The following DIXDC1 variants were observed in gnomAD, a reference collection of about 807,000 sequenced individuals.
DIXDC1 encodes dixin.
A neutral mutation model predicts 103.1 loss-of-function variants in DIXDC1; 64 were observed. The ratio of observed to expected loss-of-function variants is 0.62; its 90% CI spans 0.51 to 0.76. The LOEUF (loss-of-function observed/expected upper bound fraction) is 0.76. DIXDC1 is among the 30% of genes least tolerant of loss of function. DIXDC1 has a pLI of 0.00. For synonymous variants in DIXDC1, 266 were observed against 298.5 expected, an observed-to-expected ratio of 0.89 and a Z score of 1.12; for missense variants, 759 against 834.2, an observed-to-expected ratio of 0.91 and a Z score of 1.11.
chr11:111,931,236 G>C (rs1966005040), intron 2 of DIXDC1, among the ~76,000 whole-genome samples: 1 of 152,270 alleles, frequency 6.6e-6, no homozygotes, highest in African/African-American at 2.4e-5. Context: ...TCAGGAGGCT[G>C]AATGAGGTGG....
At chr11:111,985,445 C>T in intron 8 of DIXDC1, 124 bp downstream of exon 8, 1 of 755,232 alleles carries the variant, frequency 1.3e-6, no homozygotes, top group Non-Finnish European at 2.1e-6. Context: ...GGTTTTCCTC[C>T]TACATTTTTG....
At chr11:111,983,825 T>A (rs587674384) in intron 7 of DIXDC1, among the ~76,000 whole-genome samples, 1 of 152,318 alleles carries the variant, frequency 6.6e-6, no homozygotes, top group South Asian at 2.1e-4. Flanking sequence ...CAATGAGAAT[T>A]TGGTTCCATT....
chr11:111,962,310 C>T (rs1555171148), intron 1 of DIXDC1, among the ~76,000 whole-genome samples: 1 of 152,008 alleles, frequency 6.6e-6, no homozygotes, highest in African/African-American at 2.4e-5. Context: ...GGTGAAACCC[C>T]ATCTCTATTA....
At chr11:111,988,296 C>A (rs1278355513) in intron 9 of DIXDC1, among the ~76,000 whole-genome samples, 1 of 152,178 alleles carries the variant, frequency 6.6e-6, no homozygotes, top group Non-Finnish European at 1.5e-5. Context: ...CTGTGCCCAG[C>A]CTAATAGAGC....
At chr11:111,936,954 T>C (rs1315881639), upstream of DIXDC1, among the ~76,000 whole-genome samples, 4 of 149,912 alleles carry the variant, frequency 2.7e-5, no homozygotes, top group Admixed American at 2.6e-4. Flanking sequence ...TGCAAGCGCA[T>C]GCATACGCCA....
chr11:111,973,381 A>G (rs1207923423), intron 3 of DIXDC1, among the ~76,000 whole-genome samples: 1 of 152,246 alleles, frequency 6.6e-6, no homozygotes, highest in East Asian at 1.9e-4. Flanking sequence ...TCAAAAAAAA[A>G]AAAAGGTGAG....
intron 17 of DIXDC1, chr11:112,015,303 A>T (rs1861552501): frequency 6.6e-6 from 1 of 152,158 alleles, no homozygotes; most frequent in South Asian, 2.1e-4. Context: ...TCCTTATTTT[A>T]AACCCCCTCC....
chr11:112,010,278 A>G (rs1861374100), intron 17 of DIXDC1, among the ~76,000 whole-genome samples: 1 of 152,240 alleles, frequency 6.6e-6, no homozygotes. Context: ...GGAGAACTAC[A>G]AACCACTGCC....
Position 111,964,578 on chromosome 11 carries a change from G to A in DIXDC1, c.90G>A (p.Val30=). ...AGCTGCAGGCCTATGTGGCCTGGGT[G>A]AATGCACAGCTGAAGAAGAGGCCAG... ...EQQLQAYVAW[V]NAQLKKRPAV... is the part of the protein sequence containing the mutation. The change falls in exon 2 of 20, where the codon GTG becomes GTA. Residue 30 remains valine, a synonymous_variant. Transcript: ENST00000440460. 6.2e-7 allele frequency: 1 copy of A among 1,608,324 alleles called. No homozygotes were observed. The highest frequency in any genetic ancestry group is 1.7e-4 in the Middle Eastern group (1 of 5,842).
chr11:111,963,942 G>T (rs1203304722), intron 1 of DIXDC1, among the ~76,000 whole-genome samples: 1 of 152,078 alleles, frequency 6.6e-6, no homozygotes, highest in African/African-American at 2.4e-5. Context: ...ATAAAGCATG[G>T]ATTAAAACTA....
At chr11:111,975,884 T>C in intron 5 of DIXDC1, 5 of 980,958 alleles carry the variant, frequency 5.1e-6, no homozygotes, top group Non-Finnish European at 3.6e-6. Context: ...AGTATTTTAA[T>C]ATACTGGTAA....
At chr11:112,004,882 GAACA>G (rs141665396) in intron 17 of DIXDC1, among the ~76,000 whole-genome samples, 3,798 of 152,278 alleles carry the variant, frequency 0.025, 160 homozygotes, top group African/African-American at 0.086. Flanking sequence ...TGGCCTGGAA[GAACA>G]AACAGTGTGC....
At chr11:111,964,420 A>G (rs1859662629) in intron 1 of DIXDC1, 129 bp from the exon 2 acceptor site, 1 of 1,054,118 alleles carries the variant, frequency 9.5e-7, no homozygotes, top group Non-Finnish European at 1.4e-6. Context: ...TCTTTCCTCA[A>G]AAATTTCTCC....
intron 1 of DIXDC1, among the ~76,000 whole-genome samples, chr11:111,956,229 G>C (rs782733049): frequency 4.6e-5 from 7 of 152,126 alleles, no homozygotes; most frequent in Non-Finnish European, 8.8e-5. Flanking sequence ...AGTGGAGGGG[G>C]AATTTCAGAG....
At chr11:111,952,555 G>A (rs1426321956) in intron 1 of DIXDC1, among the ~76,000 whole-genome samples, 1 of 152,042 alleles carries the variant, frequency 6.6e-6, no homozygotes, top group Non-Finnish European at 1.5e-5. Context: ...AGGCCTGGTG[G>A]CTCACACCTG....
rs782544561 is a variant in DIXDC1 at position 111,989,023 on chromosome 11, A to G, written c.1081A>G (p.Lys361Glu). ...QDLKKELLKC[K>E]QEARNLQGIK... ...TTTGCAGAAGGAACTGCTGAAATGT[A>G]AACAAGAAGCCAGAAACTTACAGGG... The change falls in exon 10 of 20, where the codon AAA (lysine) becomes GAA (glutamate). Residue 361 changes from lysine (K) to glutamate (E), a missense_variant. Coordinates refer to ENST00000440460, the MANE Select transcript of DIXDC1 (RefSeq NM_001037954.4). 1.2e-4 allele frequency: 189 copies of G among 1,611,664 alleles called. 1 individual carries two copies. The highest frequency in any genetic ancestry group is 8.5e-6 in the Non-Finnish European group (10 of 1,179,082).
chr11:111,959,473 G>T (rs1223842041), intron 1 of DIXDC1, among the ~76,000 whole-genome samples: 1 of 152,228 alleles, frequency 6.6e-6, no homozygotes, highest in Admixed American at 6.5e-5. Flanking sequence ...ACCACAGTCA[G>T]TGTTTCTGGC....
chr11:111,933,583 C>T (rs949421506), upstream of DIXDC1, among the ~76,000 whole-genome samples: 19 of 151,492 alleles, frequency 1.3e-4, no homozygotes, highest in Admixed American at 4.6e-4. Context: ...GCACATACCA[C>T]CATGAGTGGC....
At chr11:111,994,249 G>GT (rs1218831202) in intron 14 of DIXDC1, among the ~76,000 whole-genome samples, 1 of 152,050 alleles carries the variant, frequency 6.6e-6, no homozygotes, top group Non-Finnish European at 1.5e-5. Flanking sequence ...TTAGCCAGGC[G>GT]TGGTGGTGGA....
Sources: gnomAD v4.1 joint callset for allele counts (sites outside exome capture counted in the v4.1 genomes callset) on GRCh38, gnomAD v4.1.1 for gene constraint, MANE v1.5 for transcripts, NCBI Gene and HGNC (gene_info 2026-07-23, HGNC 2026-07-21) for gene names.